Variants in CADPS observed in about 807,000 individuals in gnomAD.
CADPS encodes the protein calcium-dependent secretion activator 1.
Under a neutral mutation model 167.3 loss-of-function variants are expected in CADPS, and 57 were observed. The observed-to-expected ratio is 0.34, with a 90% confidence interval of 0.28 to 0.42. The LOEUF (loss-of-function observed/expected upper bound fraction) is 0.42, where lower values mean the gene tolerates loss of function less well. Among genes scored for constraint, CADPS ranks in the 20% least tolerant of loss-of-function variants. CADPS has a pLI of 1.00. For synonymous variants in CADPS, 676 were observed against 635.3 expected (o/e 1.06, Z -0.96); for missense variants, 1,414 against 1,738.1 (o/e 0.81, Z 3.32).
chr3:62,403,950 G>A (rs1283299892), intron 28 of CADPS: 1 of 152,210 alleles, frequency 6.6e-6, no homozygotes, highest in Non-Finnish European at 1.5e-5. Flanking sequence ...AAAAATGCTT[G>A]AAGCTGTGTC....
At chr3:62,783,193 G>A (rs1029954049) in intron 1 of CADPS, among the ~76,000 whole-genome samples, 5 of 152,146 alleles carry the variant, frequency 3.3e-5, no homozygotes, top group Non-Finnish European at 7.3e-5. Flanking sequence ...TGAGACCTGG[G>A]CAAGCAATGT....
intron 1 of CADPS, among the ~76,000 whole-genome samples, chr3:62,805,225 GCTCA>G (rs902652437): frequency 4.6e-5 from 7 of 152,140 alleles, no homozygotes; most frequent in African/African-American, 1.4e-4. Context: ...GTTGAGAACC[GCTCA>G]CTGTTATTGA....
chr3:62,599,920 AT>A (rs2059708164), intron 6 of CADPS, among the ~76,000 whole-genome samples: 2 of 94,342 alleles, frequency 2.1e-5, no homozygotes, highest in Non-Finnish European at 4.1e-5. Context: ...ATAATATACA[AT>A]ATATTATATA....
chr3:62,498,019 T>C (rs964747126), intron 18 of CADPS: 2 of 427,638 alleles, frequency 4.7e-6, no homozygotes, highest in African/African-American at 4.1e-5. Context: ...GAAGTTGCTG[T>C]TACATTCCTT....
chr3:62,409,180 C>A (rs1289619444), intron 28 of CADPS, among the ~76,000 whole-genome samples: 1 of 152,206 alleles, frequency 6.6e-6, no homozygotes, highest in African/African-American at 2.4e-5. Context: ...GGTCACACAA[C>A]TAGTAAGTGG....
chr3:62,440,497 C>A (rs867699514), intron 27 of CADPS: 1 of 2,274 alleles, frequency 4.4e-4, no homozygotes, highest in Non-Finnish European at 0.01. Flanking sequence ...ACTATGATTC[C>A]CCCCCCCCCC....
intron 23 of CADPS, among the ~76,000 whole-genome samples, chr3:62,475,699 G>C (rs964192949): frequency 6.7e-6 from 1 of 149,778 alleles, no homozygotes; most frequent in Admixed American, 6.7e-5. Flanking sequence ...TGAAGATTCA[G>C]TGCACTCAAG....
intron 1 of CADPS, among the ~76,000 whole-genome samples, chr3:62,788,631 A>G (rs757984763): frequency 5.9e-5 from 9 of 152,110 alleles, no homozygotes; most frequent in South Asian, 2.1e-4. Context: ...TGATGTGATG[A>G]TATTCCTTGT....
chr3:62,616,734 G>A (rs1050095600), intron 6 of CADPS, among the ~76,000 whole-genome samples: 11 of 152,006 alleles, frequency 7.2e-5, no homozygotes, highest in South Asian at 2.1e-4. Flanking sequence ...TCCTGTGATC[G>A]GGATATGATT....
chr3:62,425,394 C>A (rs1265790117), intron 28 of CADPS, among the ~76,000 whole-genome samples: 1 of 152,156 alleles, frequency 6.6e-6, no homozygotes, highest in Non-Finnish European at 1.5e-5. Flanking sequence ...AAATCACCCA[C>A]AATGGAGAAC....
intron 6 of CADPS, among the ~76,000 whole-genome samples, chr3:62,637,988 C>T (rs2066638882): frequency 6.6e-6 from 1 of 151,820 alleles, no homozygotes. Flanking sequence ...TTGTTTTCCC[C>T]CATGTCCCCT....
chr3:62,526,173 AT>A (rs1204108561), intron 13 of CADPS, among the ~76,000 whole-genome samples: 2 of 152,138 alleles, frequency 1.3e-5, no homozygotes, highest in Non-Finnish European at 2.9e-5. Context: ...TCAAATCTTA[AT>A]CTACAAGGGA....
chr3:62,549,655 C>T (rs1305948950), intron 11 of CADPS, among the ~76,000 whole-genome samples: 1 of 152,086 alleles, frequency 6.6e-6, no homozygotes, highest in East Asian at 1.9e-4. Flanking sequence ...CTCACCAAAA[C>T]AGAGATAAAA....
At chr3:62,518,829 G>C (rs78256083) in intron 13 of CADPS, among the ~76,000 whole-genome samples, 2 of 152,096 alleles carry the variant, frequency 1.3e-5, no homozygotes, top group South Asian at 4.2e-4. Context: ...GGTGTCAGAC[G>C]TCTTAAATGG....
At position 62,753,523 on chromosome 3, in the gene CADPS, C is replaced by T. The variant is rs2083184479; in HGVS notation, c.806G>A (p.Ser269Asn). 6.2e-7 allele frequency: 1 copy of T among 1,614,108 alleles called. No individual in the cohort carries two copies. The highest frequency in any genetic ancestry group is 1.7e-4 in the Middle Eastern group (1 of 6,056). The change falls in exon 3 of 30, where the codon AGC becomes AAC. Residue 269 changes from serine to asparagine, a missense_variant. By Grantham distance (46) the Ser-to-Asn change is conservative. Coordinates refer to ENST00000383710, the MANE Select transcript of CADPS (RefSeq NM_003716.4). This position sits in a 1 kb window ranked among gnomAD's most constrained non-coding sequence, Gnocchi z 4.6. ...TASAASELIL[S>N]KEQLYEMFQN... The stretch of plus-strand genomic sequence containing the variant: ...GAACATCTCATAGAGTTGCTCCTTG[C>T]TCAGAATCAGCTCGGAGGCTGCGCT...
At chr3:62,578,179 T>C (rs2082668896) in intron 8 of CADPS, among the ~76,000 whole-genome samples, 1 of 119,408 alleles carries the variant, frequency 8.4e-6, no homozygotes, top group East Asian at 2.6e-4. Context: ...AGATTTACCA[T>C]GCTAACACTT....
chr3:62,685,796 G>T (rs1188148671), intron 3 of CADPS, among the ~76,000 whole-genome samples: 4 of 152,028 alleles, frequency 2.6e-5, no homozygotes, highest in African/African-American at 9.7e-5. Flanking sequence ...CCTCGCATGT[G>T]CGGTTCACAG....
Position 62,412,199 on chromosome 3 carries a change from T to C in CADPS, c.3778-9014A>G, listed in dbSNP as rs999168820. On this transcript the variant is annotated intron_variant, in intron 28 of 29. Transcript: ENST00000383710. This position sits in a 1 kb window ranked among gnomAD's most constrained non-coding sequence, Gnocchi z 4.1. ...AATTCTTTGGATACCTGAAAACCCA[T>C]GCCACTGAAGTCTTTACAAAGCTAT... is the stretch of plus-strand genomic sequence containing the variant. 6.7e-6 allele frequency among the ~76,000 whole-genome samples: 1 copy of C among 149,992 alleles called. No homozygotes were observed. Among genetic ancestry groups the C allele is most frequent in the Admixed American group, 6.7e-5 (1 of 14,906 alleles).
chr3:62,806,933 T>C (rs1310470525), intron 1 of CADPS, among the ~76,000 whole-genome samples: 1 of 152,164 alleles, frequency 6.6e-6, no homozygotes, highest in Non-Finnish European at 1.5e-5. Context: ...CTCTAACATT[T>C]ATAGTCTTGG....
Sources: allele counts gnomAD v4.1 joint callset (sites outside exome capture counted in the v4.1 genomes callset), GRCh38; gene constraint gnomAD v4.1.1; non-coding constraint Gnocchi (gnomAD v3.1); transcripts MANE v1.5; gene names NCBI Gene and HGNC (gene_info 2026-07-23, HGNC 2026-07-21).